Variants in ST8SIA5 observed in about 807,000 individuals in gnomAD.
ST8SIA5 encodes ST8 alpha-N-acetyl-neuraminide alpha-2,8-sialyltransferase 5, also known as alpha-2,8-sialyltransferase 8E.
A neutral mutation model predicts 40.2 loss-of-function variants in ST8SIA5; 24 were observed. That is an observed-to-expected ratio of 0.60 (90% confidence interval 0.43 to 0.84). The LOEUF is 0.84. Ranked by LOEUF, ST8SIA5 falls within the 40% of genes least tolerant of loss-of-function variation. The pLI is 0.00. For missense variants in ST8SIA5, 465 were observed against 498.5 expected, an observed-to-expected ratio of 0.93 and a Z score of 0.64; for synonymous variants, 198 against 201.8, an observed-to-expected ratio of 0.98 and a Z score of 0.16.
At chr18:46,754,052 T>C (rs575663856) in intron 1 of ST8SIA5, among the ~76,000 whole-genome samples, 1 of 152,184 alleles carries the variant, frequency 6.6e-6, no homozygotes, top group South Asian at 2.1e-4. Context: ...GACAGACTGA[T>C]GATAATCACA....
At chr18:46,714,902 G>A (rs1490510084) in intron 1 of ST8SIA5, among the ~76,000 whole-genome samples, 1 of 152,146 alleles carries the variant, frequency 6.6e-6, no homozygotes, top group Non-Finnish European at 1.5e-5. Context: ...AGACTCAAAA[G>A]CCATAAAGCT....
At chr18:46,729,059 G>A (rs1394043306) in intron 1 of ST8SIA5, among the ~76,000 whole-genome samples, 1 of 151,996 alleles carries the variant, frequency 6.6e-6, no homozygotes, top group East Asian at 1.9e-4. Context: ...CAATCATCCT[G>A]CGCCCCACCT....
At chr18:46,692,914 G>T (rs1002900223) in intron 2 of ST8SIA5, among the ~76,000 whole-genome samples, 5 of 134,102 alleles carry the variant, frequency 3.7e-5, no homozygotes, top group South Asian at 2.3e-4. Context: ...ACAAACAGAG[G>T]CAGTCCCTAT....
chr18:46,699,292 C>A (rs1229300194), intron 2 of ST8SIA5, among the ~76,000 whole-genome samples: 2 of 152,242 alleles, frequency 1.3e-5, no homozygotes, highest in South Asian at 4.2e-4. Flanking sequence ...AATATTAATA[C>A]CCCTCAATTG....
At chr18:46,727,049 AG>A (rs1267754844) in intron 1 of ST8SIA5, among the ~76,000 whole-genome samples, 1 of 152,246 alleles carries the variant, frequency 6.6e-6, no homozygotes, top group Non-Finnish European at 1.5e-5. Flanking sequence ...TGCACCTTGC[AG>A]GTTAAGCTAG....
In ST8SIA5 at chr18:46,682,075, GA is replaced by G; in HGVS notation, c.570-12del. Reference sequence around the variant, plus strand: ...GGGGGCAGGTTGCACCTGCAGAAGAGAAAAGGCAGCCCAAGGTGGTTGGTCA... The same window carrying G: ...GGGGGCAGGTTGCACCTGCAGAAGAGAAAGGCAGCCCAAGGTGGTTGGTCA... On this transcript the variant is annotated splice_polypyrimidine_tract_variant and intron_variant, in intron 5 of 6. Coordinates refer to ENST00000315087, the MANE Select transcript of ST8SIA5 (RefSeq NM_013305.6). 1 of 1,591,002 alleles carries G rather than the reference GA, an allele frequency of 6.3e-7. No homozygotes were observed. The highest frequency in any genetic ancestry group is 8.6e-7 in the Non-Finnish European group (1 of 1,168,906).
intron 2 of ST8SIA5, among the ~76,000 whole-genome samples, chr18:46,698,033 C>G (rs1483877116): frequency 6.6e-6 from 1 of 152,226 alleles, no homozygotes; most frequent in East Asian, 1.9e-4. Context: ...ACCCACCAGA[C>G]TAGCAATCAA....
intron 1 of ST8SIA5, among the ~76,000 whole-genome samples, chr18:46,734,064 G>A (rs899363628): frequency 6.6e-6 from 1 of 152,092 alleles, no homozygotes; most frequent in African/African-American, 2.4e-5. Flanking sequence ...GTAAGGAGAT[G>A]GGCCCCTCAG....
intron 1 of ST8SIA5, among the ~76,000 whole-genome samples, chr18:46,711,282 A>C (rs1304795091): frequency 6.6e-6 from 1 of 152,168 alleles, no homozygotes; most frequent in African/African-American, 2.4e-5. Flanking sequence ...ACAGCCTGAT[A>C]CCAGACCATT....
At chr18:46,717,256 G>A (rs2039801743) in intron 1 of ST8SIA5, among the ~76,000 whole-genome samples, 1 of 152,194 alleles carries the variant, frequency 6.6e-6, no homozygotes, top group Admixed American at 6.5e-5. Flanking sequence ...CCTTCCCAGA[G>A]GGGCCATGCT....
At chr18:46,713,113 A>G (rs2144514819) in intron 1 of ST8SIA5, among the ~76,000 whole-genome samples, 1 of 152,278 alleles carries the variant, frequency 6.6e-6, no homozygotes, top group East Asian at 1.9e-4. Flanking sequence ...GAACAACGTG[A>G]TCTGATGTGG....
intron 2 of ST8SIA5, among the ~76,000 whole-genome samples, chr18:46,695,222 T>TAGAGGCATG (rs1317889096): frequency 2.6e-5 from 4 of 151,786 alleles, no homozygotes; most frequent in Non-Finnish European, 5.9e-5. Flanking sequence ...ATGTCCTGTG[T>TAGAGGCATG]TTAATTGGAG....
intron 1 of ST8SIA5, among the ~76,000 whole-genome samples, chr18:46,719,054 G>C (rs141320400): frequency 1.5e-3 from 235 of 152,298 alleles, no homozygotes; most frequent in African/African-American, 5.0e-3. Context: ...CTTCAACTAG[G>C]GGGGTACTTC....
chr18:46,679,870 C>G lies in ST8SIA5; in HGVS notation c.*172G>C, dbSNP rs893365388. 7 of 695,166 alleles carry G rather than the reference C, an allele frequency of 1.0e-5. No homozygotes were observed. Among genetic ancestry groups the G allele is most frequent in the African/African-American group, 7.2e-5 (4 of 55,490 alleles). The allele number at this position is 695,166 out of a possible 1,614,324, so 43.1% of individuals were successfully genotyped here. ...GCTCAGCACAGAGCTGACTCTGCCC[C>G]GGTTCCTAACCCTGCCTCCCTACCC... is the stretch of plus-strand genomic sequence containing the variant. On this transcript the variant is annotated 3_prime_UTR_variant, in exon 7 of 7. Transcript: ENST00000315087.
At chr18:46,697,945 A>T (rs761029903) in intron 2 of ST8SIA5, among the ~76,000 whole-genome samples, 1 of 152,226 alleles carries the variant, frequency 6.6e-6, no homozygotes, top group African/African-American at 2.4e-5. Context: ...CATGCTTCTC[A>T]TGTATCCCTA....
chr18:46,707,323 G>T lies in ST8SIA5; in HGVS notation c.132-2659C>A, dbSNP rs78477455. Among the ~76,000 whole-genome samples, 241 of 152,262 alleles carry T rather than the reference G, an allele frequency of 1.6e-3. 3 individuals are homozygous for T. The East Asian group carries it at 0.042, about 27-fold the overall frequency. ...AATTGGGGACTTGCAGACACATCTCGGATATGGCTACAAACCAGCTGTGTG... is the reference window on the plus strand; with the variant it reads ...AATTGGGGACTTGCAGACACATCTCTGATATGGCTACAAACCAGCTGTGTG... On this transcript the variant is annotated intron_variant, in intron 1 of 6. Coordinates refer to ENST00000315087, the MANE Select transcript of ST8SIA5 (RefSeq NM_013305.6).
intron 1 of ST8SIA5, among the ~76,000 whole-genome samples, chr18:46,735,301 A>G (rs191788233): frequency 1.3e-5 from 2 of 152,334 alleles, no homozygotes; most frequent in East Asian, 3.9e-4. Flanking sequence ...CTTTGTGATC[A>G]TGTGAGTCAA....
intron 5 of ST8SIA5, among the ~76,000 whole-genome samples, chr18:46,683,111 T>A (rs1375578232): frequency 1.3e-5 from 2 of 152,168 alleles, no homozygotes; most frequent in Non-Finnish European, 2.9e-5. Context: ...GGGGTACATC[T>A]ACATATGACA....
At chr18:46,753,606 G>A (rs1599160388) in intron 1 of ST8SIA5, among the ~76,000 whole-genome samples, 1 of 151,742 alleles carries the variant, frequency 6.6e-6, no homozygotes, top group Non-Finnish European at 1.5e-5. Context: ...AAAGAAAAAA[G>A]AGCAAATCCC....
Sources: allele counts gnomAD v4.1 joint callset (sites outside exome capture counted in the v4.1 genomes callset), GRCh38; gene constraint gnomAD v4.1.1; transcripts MANE v1.5; gene names NCBI Gene and HGNC (gene_info 2026-07-23, HGNC 2026-07-21).